The following ZNF396 variants were observed in gnomAD, a reference collection of about 807,000 sequenced individuals.
The protein encoded by ZNF396 is zinc finger and SCAN domain-containing protein 14.
In ZNF396, 14 loss-of-function variants were observed where a neutral mutation model predicts 20.5. The ratio of observed to expected loss-of-function variants is 0.68; its 90% CI spans 0.45 to 1.07. The LOEUF (loss-of-function observed/expected upper bound fraction) is 1.07, where lower values mean the gene tolerates loss of function less well. Among genes scored for constraint, ZNF396 ranks in the 50% least tolerant of loss-of-function variants. ZNF396 has a pLI of 0.00. For missense variants in ZNF396, 347 were observed against 390.1 expected, an observed-to-expected ratio of 0.89 and a Z score of 0.93; for synonymous variants, 119 against 140.6, an observed-to-expected ratio of 0.85 and a Z score of 1.08.
In ZNF396 at chr18:35,369,485, A is replaced by G. The variant is rs1323169097; in HGVS notation, c.738T>C (p.Ser246=). The stretch of plus-strand genomic sequence containing the variant: ...CATCACATTTCTGTTGTTTTTTCCA[A>G]GAAGGGTTTCCTTGTCTCTTTTCAA... ...GRFEKRQGNP[S]WKKQQKCDEC... Residue 246 remains serine (S), a synonymous_variant, in exon 4 of 4, where the codon TCT becomes TCC. Transcript: ENST00000589332. 1 of 1,614,090 alleles carries G rather than the reference A, an allele frequency of 6.2e-7. No individual in the cohort carries two copies. Among genetic ancestry groups the G allele is most frequent in the Admixed American group, 1.7e-5 (1 of 60,004 alleles).
At chr18:35,372,413 A>C (rs2045195591) in intron 3 of ZNF396, 1 of 152,230 alleles carries the variant, frequency 6.6e-6, no homozygotes, top group Non-Finnish European at 1.5e-5. Context: ...AGTTAGGGTG[A>C]ACAATGTTTT....
At chr18:35,371,573 T>C (rs1386922962) in intron 3 of ZNF396, among the ~76,000 whole-genome samples, 1 of 152,194 alleles carries the variant, frequency 6.6e-6, no homozygotes, top group African/African-American at 2.4e-5. Context: ...GGGCATTTCA[T>C]GGTGAGGGGG....
Position 35,368,337 on chromosome 18 carries a change from G to C in ZNF396, c.*878C>G, listed in dbSNP as rs2045121879. ...TGGAGGCTCTTGTGTGCTTTCATAA[G>C]ATAAGGCCTTTATTTATCTGCCTCC... On this transcript the variant is annotated 3_prime_UTR_variant, in exon 4 of 4. Coordinates refer to ENST00000589332, the MANE Select transcript of ZNF396 (RefSeq NM_001322286.2). 7.1e-7 allele frequency: 1 copy of C among 1,400,812 alleles called. No homozygotes were observed. The highest frequency in any genetic ancestry group is 1.8e-5 in the South Asian group (1 of 55,132). The allele number at this position is 1,400,812 out of a possible 1,614,324, so 86.8% of individuals were successfully genotyped here.
Position 35,369,003 on chromosome 18 carries a change from T to G in ZNF396, c.*212A>C. 2.3e-6 allele frequency: 3 copies of G among 1,322,688 alleles called. No individual in the cohort carries two copies. Among genetic ancestry groups the G allele is most frequent in the Non-Finnish European group, 2.9e-6 (3 of 1,041,518 alleles). The allele number at this position is 1,322,688 out of a possible 1,614,324, so 81.9% of individuals were successfully genotyped here. ...GGAAATCTGAATTAAGCTTTGGAAT[T>G]GCAAACGTCAGAATTGAGACTGCAT... On this transcript the variant is annotated 3_prime_UTR_variant, in exon 4 of 4. Transcript: ENST00000589332.
intron 3 of ZNF396, 126 bp downstream of exon 3, chr18:35,373,330 A>C: frequency 8.9e-7 from 1 of 1,129,784 alleles, no homozygotes; most frequent in Non-Finnish European, 1.2e-6. Flanking sequence ...AAATAACAGA[A>C]GTTCCCACAG....
chr18:35,377,187 C>G (rs901700430), intron 1 of ZNF396, 91 bp downstream of exon 1: 1 of 151,166 alleles, frequency 6.6e-6, no homozygotes, highest in Non-Finnish European at 1.5e-5. Context: ...GCGACGAGTC[C>G]GCGGCCGCCT....
chr18:35,372,685 T>A (rs2045198801), intron 3 of ZNF396: 1 of 152,144 alleles, frequency 6.6e-6, no homozygotes, highest in South Asian at 2.1e-4. Flanking sequence ...TATAATAAGA[T>A]CCTATCCCCA....
rs2045135675 is a variant in ZNF396 at position 35,369,132 on chromosome 18, T to C, written c.*83A>G. 6.9e-7 allele frequency: 1 copy of C among 1,455,606 alleles called. No individual in the cohort carries two copies. The highest frequency in any genetic ancestry group is 2.5e-5 in the East Asian group (1 of 40,234). 90.2% of individuals were successfully genotyped at this position (1,455,606 alleles called of 1,614,324 possible). ...GACTGGTGCTTACTAAGACCACTGA[T>C]TTGTACTAAGGAGCGTTTGCATCTG... On this transcript the variant is annotated 3_prime_UTR_variant, in exon 4 of 4. Transcript: ENST00000589332.
rs766854143 is a variant in ZNF396, at chr18:35,374,175, G to C, written c.118C>G (p.Leu40Val). The C allele has an allele frequency of 6.2e-7, 1 of 1,614,240 alleles. No individual in the cohort carries two copies. Reference protein sequence around the residue: ...EEQTCDPDSSLHWSSSYSPET... With the variant: ...EEQTCDPDSSVHWSSSYSPET... ...GGGCTGTAGCTGCTGCTCCAGTGGA[G>C]GCTAGAGTCTGGATCACAGGTCTGC... The change falls in exon 2 of 4, where the codon CTC becomes GTC. Residue 40 changes from leucine to valine, a missense_variant. Transcript: ENST00000589332. This position sits in a 1 kb window ranked among gnomAD's most constrained non-coding sequence, Gnocchi z 4.3.
At position 35,374,389 on chromosome 18, in the gene ZNF396, T is replaced by A; in HGVS notation, c.-72-25A>T. 1 of 1,244,618 alleles carries A rather than the reference T, an allele frequency of 8.0e-7. No homozygotes were observed. Among genetic ancestry groups the A allele is most frequent in the Non-Finnish European group, 1.1e-6 (1 of 903,424 alleles). The allele number at this position is 1,244,618 out of a possible 1,614,324, so 77.1% of individuals were successfully genotyped here. A position where few individuals can be genotyped will look rare whatever the true frequency, so the allele number is the denominator to read the frequency against. On this transcript the variant is annotated intron_variant, in intron 1 of 3. Coordinates refer to ENST00000589332, the MANE Select transcript of ZNF396 (RefSeq NM_001322286.2). The surrounding 1 kb of genome is among the most constrained non-coding windows in gnomAD (Gnocchi z 4.3). ...CCTTAAATATGATTAAAGAAACAAG[T>A]GGAAAGAAGACAAAAGACAAATGCT... is the stretch of plus-strand genomic sequence containing the variant.
At position 35,374,207 on chromosome 18, in the gene ZNF396, T is replaced by C. The variant is rs1406870350; in HGVS notation, c.86A>G (p.Glu29Gly). 1 of 1,614,236 alleles carries C rather than the reference T, an allele frequency of 6.2e-7. No homozygotes were observed. Among genetic ancestry groups the C allele is most frequent in the Middle Eastern group, 1.6e-4 (1 of 6,062 alleles). Residue 29 changes from glutamate to glycine, a missense_variant, in exon 2 of 4, where the codon GAG becomes GGG. By Grantham distance (98) the Glu-to-Gly change is moderately conservative. Coordinates refer to ENST00000589332, the MANE Select transcript of ZNF396 (RefSeq NM_001322286.2). The surrounding 1 kb of genome is among the most constrained non-coding windows in gnomAD (Gnocchi z 4.3). ...GTCTGGATCACAGGTCTGCTCTTCC[T>C]CTTCCATCTTCTCTGTCAGAATCCC... The part of the protein sequence containing the change: ...CNGILTEKME[E>G]EEQTCDPDSS...
At chr18:35,371,941 A>C (rs904793395) in intron 3 of ZNF396, 19 of 152,210 alleles carry the variant, frequency 1.2e-4, no homozygotes, top group African/African-American at 4.1e-4. Flanking sequence ...TACTATCAAA[A>C]TCCTGGCATC....
At chr18:35,375,498 C>T (rs952445704) in intron 1 of ZNF396, among the ~76,000 whole-genome samples, 1 of 152,068 alleles carries the variant, frequency 6.6e-6, no homozygotes, top group Non-Finnish European at 1.5e-5. Flanking sequence ...TCAAGCATGT[C>T]CCAAGGCCTC....
At chr18:35,371,097 A>G (rs1419184458) in intron 3 of ZNF396, among the ~76,000 whole-genome samples, 1 of 152,202 alleles carries the variant, frequency 6.6e-6, no homozygotes, top group South Asian at 2.1e-4. Flanking sequence ...GTGATACTGA[A>G]TAAGAAAACT....
At chr18:35,373,726 C>A in intron 2 of ZNF396, 126 bp from the exon 3 acceptor site, 5 of 1,495,404 alleles carry the variant, frequency 3.3e-6, no homozygotes, top group Non-Finnish European at 4.5e-6. Context: ...AGTAGAGCCA[C>A]CTTCTATTTG....
rs56036260 is a variant in ZNF396 at position 35,368,482 on chromosome 18, TTTTATTTATTTA to T, written c.*721_*732del. ...AGACAAAATAGGAATTTATTTTTAT[TTTTATTTATTTA>T]TTTATTTATTTATTTATTTATTTTA... On this transcript the variant is annotated 3_prime_UTR_variant, in exon 4 of 4. Transcript: ENST00000589332. The T allele has an allele frequency of 1.1e-4, 38 of 339,166 alleles. No individual in the cohort carries two copies. The highest frequency in any genetic ancestry group is 5.4e-4 in the South Asian group (7 of 13,060). 21.0% of individuals were successfully genotyped at this position (339,166 alleles called of 1,614,324 possible).
intron 2 of ZNF396, 133 bp from the exon 3 acceptor site, chr18:35,373,733 T>A (rs2045217377): frequency 1.3e-6 from 2 of 1,492,878 alleles, no homozygotes; most frequent in Non-Finnish European, 1.8e-6. Flanking sequence ...CCACCTTCTA[T>A]TTGCTGGGAC....
intron 3 of ZNF396, 24 bp from the exon 4 acceptor site, chr18:35,369,684 C>T (rs746086353): frequency 1.3e-6 from 2 of 1,566,328 alleles, no homozygotes; most frequent in South Asian, 1.2e-5. Context: ...ACAAATGTCA[C>T]CAGGAAAGAG....
intron 3 of ZNF396, among the ~76,000 whole-genome samples, chr18:35,371,235 A>G (rs1321222960): frequency 6.6e-6 from 1 of 152,176 alleles, no homozygotes; most frequent in Admixed American, 6.5e-5. Flanking sequence ...TCTTAATGAC[A>G]CACCCCATAG....
Sources: gnomAD v4.1 joint callset for allele counts (sites outside exome capture counted in the v4.1 genomes callset) on GRCh38, gnomAD v4.1.1 for gene constraint, Gnocchi (gnomAD v3.1) non-coding constraint, MANE v1.5 for transcripts, NCBI Gene and HGNC (gene_info 2026-07-23, HGNC 2026-07-21) for gene names.